DYSF: variants seen among roughly 807,000 people sequenced by gnomAD.
DYSF encodes dysferlin.
Under a neutral mutation model 274.9 loss-of-function variants are expected in DYSF, and 212 were observed. The observed-to-expected ratio is 0.77, with a 90% confidence interval of 0.69 to 0.86. DYSF has a LOEUF of 0.86. Ranked by LOEUF, DYSF falls within the 40% of genes least tolerant of loss-of-function variation. The pLI, the probability that DYSF is intolerant of heterozygous loss-of-function variation, is 0.00. For synonymous variants in DYSF, 1,091 were observed against 1,078.7 expected, an observed-to-expected ratio of 1.01 and a Z score of -0.22; for missense variants, 2,666 against 2,783.2, an observed-to-expected ratio of 0.96 and a Z score of 0.95.
At chr2:71,473,133 A>G (rs952825774) in intron 1 of DYSF, among the ~76,000 whole-genome samples, 22 of 151,996 alleles carry the variant, frequency 1.4e-4, no homozygotes, top group African/African-American at 5.3e-4. Flanking sequence ...ATGATAGGGG[A>G]GACAGCTGCC....
intron 17 of DYSF, among the ~76,000 whole-genome samples, chr2:71,546,947 C>T (rs984983486): frequency 1.3e-5 from 2 of 152,182 alleles, no homozygotes; most frequent in African/African-American, 4.8e-5. Flanking sequence ...GCTCACTGGG[C>T]TGGGAGGTCC....
At chr2:71,640,581 G>A (rs1192456187) in intron 41 of DYSF, among the ~76,000 whole-genome samples, 2 of 152,212 alleles carry the variant, frequency 1.3e-5, no homozygotes, top group East Asian at 1.9e-4. Context: ...AATCTCTGCT[G>A]TAGATGATCC....
chr2:71,576,128 G>A (rs989345394), intron 30 of DYSF: 1 of 152,414 alleles, frequency 6.6e-6, no homozygotes, highest in African/African-American at 2.4e-5. Context: ...CCTGCACCTG[G>A]GTGAGGGATG....
chr2:71,665,695 C>T (rs1380500200), intron 47 of DYSF, among the ~76,000 whole-genome samples: 1 of 152,178 alleles, frequency 6.6e-6, no homozygotes, highest in Non-Finnish European at 1.5e-5. Context: ...AAACAGTTTT[C>T]TACTTGAATT....
chr2:71,520,699 C>T (rs2087162473), intron 11 of DYSF, 90 bp from the exon 12 acceptor site: 5 of 1,097,224 alleles, frequency 4.6e-6, no homozygotes, highest in Non-Finnish European at 5.6e-6. Context: ...TCCTTTACCT[C>T]CCCTGTGCAG....
intron 3 of DYSF, 104 bp downstream of exon 3, chr2:71,482,074 T>A: frequency 1.1e-6 from 1 of 909,122 alleles, no homozygotes; most frequent in Non-Finnish European, 1.8e-6. Context: ...GGGTTTCAAT[T>A]AGCATTTATC....
At chr2:71,640,740 CGTGTGT>C (rs70963107) in intron 41 of DYSF, among the ~76,000 whole-genome samples, 6,082 of 148,338 alleles carry the variant, frequency 0.041, 389 homozygotes, top group African/African-American at 0.14. Context: ...GAGATTAATC[CGTGTGT>C]GTGTGTGTGT....
chr2:71,584,579 G>A (rs1377911789), intron 30 of DYSF, among the ~76,000 whole-genome samples: 4 of 152,240 alleles, frequency 2.6e-5, no homozygotes, highest in Middle Eastern at 3.2e-3. Context: ...TGGGACCTTA[G>A]GCCTGGGTGC....
chr2:71,466,645 G>C (rs1269364272), upstream of DYSF: 2 of 1,306,868 alleles, frequency 1.5e-6, no homozygotes, highest in East Asian at 6.0e-5. Flanking sequence ...GAGGGGGAGG[G>C]TCCGCCCAGC....
At chr2:71,618,031 G>A (rs2093950084) in intron 40 of DYSF, among the ~76,000 whole-genome samples, 1 of 101,372 alleles carries the variant, frequency 9.9e-6, no homozygotes, top group African/African-American at 3.7e-5. Flanking sequence ...TGTGTGTGTG[G>A]TAGAGATGGT....
At chr2:71,483,990 G>A (rs140185463) in intron 3 of DYSF, among the ~76,000 whole-genome samples, 48 of 144,072 alleles carry the variant, frequency 3.3e-4, no homozygotes, top group African/African-American at 1.1e-3. Context: ...AGAAGCACAT[G>A]TTTCATTTTC....
At chr2:71,630,148 A>G (rs1386413998) in intron 41 of DYSF, among the ~76,000 whole-genome samples, 1 of 152,174 alleles carries the variant, frequency 6.6e-6, no homozygotes, top group Non-Finnish European at 1.5e-5. Flanking sequence ...GATTCTTTCC[A>G]TAAATTCATG....
chr2:71,514,230 AC>A (rs2152732513), intron 7 of DYSF, among the ~76,000 whole-genome samples: 1 of 151,872 alleles, frequency 6.6e-6, no homozygotes, highest in South Asian at 2.1e-4. Context: ...GATTTTTCTA[AC>A]CAGGGTATAT....
intron 14 of DYSF, among the ~76,000 whole-genome samples, chr2:71,532,789 A>C (rs2088881930): frequency 1.3e-5 from 2 of 152,082 alleles, no homozygotes; most frequent in African/African-American, 4.8e-5. Context: ...TCTTATTTTA[A>C]AATTTTGTTT....
Position 71,620,541 on chromosome 2 carries a change from T to C in DYSF, c.4465-6T>C. 6.4e-7 allele frequency: 1 copy of C among 1,551,722 alleles called. No homozygotes were observed. The highest frequency in any genetic ancestry group is 8.7e-7 in the Non-Finnish European group (1 of 1,147,000). The stretch of plus-strand genomic sequence containing the variant: ...CCTGTTGCTAACCAGCATGTTTCAT[T>C]TGTAGCTTGCAGACGGTCTGTCGAG... On this transcript the variant is annotated splice_region_variant and splice_polypyrimidine_tract_variant and intron_variant, in intron 40 of 55. Transcript: ENST00000410020.
At chr2:71,591,260 G>A (rs2093256207) in intron 32 of DYSF, among the ~76,000 whole-genome samples, 1 of 152,208 alleles carries the variant, frequency 6.6e-6, no homozygotes, top group Non-Finnish European at 1.5e-5. Flanking sequence ...GATGCCCTCT[G>A]ACTTCCCCAA....
At chr2:71,525,931 CTG>C (rs1271015374) in intron 12 of DYSF, among the ~76,000 whole-genome samples, 1 of 152,110 alleles carries the variant, frequency 6.6e-6, no homozygotes, top group Non-Finnish European at 1.5e-5. Flanking sequence ...GGGAAGGAGA[CTG>C]AGGTTGGTGG....
At chr2:71,617,693 T>C (rs1558634487) in intron 40 of DYSF, among the ~76,000 whole-genome samples, 3 of 100,916 alleles carry the variant, frequency 3.0e-5, no homozygotes, top group African/African-American at 7.1e-5. Context: ...AGGTGGGGTG[T>C]GTGCGTGTGT....
At chr2:71,497,527 A>G (rs1311074490) in intron 3 of DYSF, among the ~76,000 whole-genome samples, 2 of 152,188 alleles carry the variant, frequency 1.3e-5, no homozygotes, top group African/African-American at 4.8e-5. Context: ...CCATGATTGT[A>G]AGTTTCCTGA....
Sources: allele counts gnomAD v4.1 joint callset (sites outside exome capture counted in the v4.1 genomes callset), GRCh38; gene constraint gnomAD v4.1.1; transcripts MANE v1.5; gene names NCBI Gene and HGNC (gene_info 2026-07-23, HGNC 2026-07-21).